The following DNAH11 variants were observed in gnomAD, a reference collection of about 807,000 sequenced individuals.
DNAH11 encodes the protein axonemal beta dynein heavy chain 11.
A neutral mutation model predicts 526.0 loss-of-function variants in DNAH11; 442 were observed. That is an observed-to-expected ratio of 0.84 (90% CI 0.78 to 0.91). The LOEUF (loss-of-function observed/expected upper bound fraction) is 0.91, where lower values mean the gene tolerates loss of function less well. Among genes scored for constraint, DNAH11 ranks in the 40% least tolerant of loss-of-function variants. DNAH11 has a pLI of 0.00. For synonymous variants in DNAH11, 2,461 were observed against 1,935.9 expected, an observed-to-expected ratio of 1.27 and a Z score of -7.12; for missense variants, 6,989 against 5,448.7, an observed-to-expected ratio of 1.28 and a Z score of -8.90.
intron 76 of DNAH11, 89 bp downstream of exon 76, chr7:21,884,499 A>G (rs540111075): frequency 1.2e-4 from 165 of 1,330,498 alleles, no homozygotes; most frequent in Middle Eastern, 9.6e-4. Context: ...ACTATGGGCA[A>G]TTCTTAATGT....
chr7:21,575,135 C>G (rs1784040298), intron 8 of DNAH11, among the ~76,000 whole-genome samples: 1 of 152,030 alleles, frequency 6.6e-6, no homozygotes, highest in South Asian at 2.1e-4. Context: ...CCTCGGCCTC[C>G]AAAAGTGCTG....
intron 44 of DNAH11, 121 bp downstream of exon 44, chr7:21,720,977 G>T (rs932895470): frequency 3.2e-6 from 4 of 1,268,480 alleles, no homozygotes; most frequent in East Asian, 2.9e-5. Flanking sequence ...TGCTTGCCCT[G>T]TTCTCTCCTA....
chr7:21,781,007 A>T (rs1287441383), intron 57 of DNAH11, among the ~76,000 whole-genome samples: 1 of 152,200 alleles, frequency 6.6e-6, no homozygotes, highest in Non-Finnish European at 1.5e-5. Context: ...TGTAAATTGG[A>T]TATTCATGGA....
chr7:21,885,783 C>T lies in DNAH11; in HGVS notation c.12507+1373C>T, dbSNP rs182391329. Among the ~76,000 whole-genome samples the T allele has an allele frequency of 1.8e-3, 280 of 152,302 alleles. 1 individual carries two copies. The highest frequency in any genetic ancestry group is 6.4e-3 in the African/African-American group (268 of 41,564). On this transcript the variant is annotated intron_variant, in intron 76 of 81. Coordinates refer to ENST00000409508, the MANE Select transcript of DNAH11 (RefSeq NM_001277115.2). ...GACAAGTATGGTGATTTGAGAACCT[C>T]ATTCTTCCTTCTCTCGTGAGGAAGA...
chr7:21,803,052 A>G (rs945886604), intron 62 of DNAH11, among the ~76,000 whole-genome samples: 1 of 151,968 alleles, frequency 6.6e-6, no homozygotes, highest in African/African-American at 2.4e-5. Flanking sequence ...TTTAAAGTAT[A>G]AAGTCTGTAA....
In DNAH11 at chr7:21,637,662, A is replaced by G. The variant is rs781652233; in HGVS notation, c.4777A>G (p.Arg1593Gly). The change falls in exon 27 of 82, where the codon AGA (arginine) becomes GGA (glycine). Residue 1593 changes from arginine (R) to glycine (G), a missense_variant. Coordinates refer to ENST00000409508, the MANE Select transcript of DNAH11 (RefSeq NM_001277115.2). Reference protein sequence around the residue: ...KVENVLEATCRPNLYEKLKDL... With the variant: ...KVENVLEATCGPNLYEKLKDL... ...AGAAAATGTGTTAGAAGCAACGTGC[A>G]GACCTAATCTCTATGAAAAACTTAA... 56 of 1,583,872 alleles carry G rather than the reference A, an allele frequency of 3.5e-5. No homozygotes were observed. Among genetic ancestry groups the G allele is most frequent in the Non-Finnish European group, 4.2e-5 (49 of 1,164,664 alleles).
intron 61 of DNAH11, among the ~76,000 whole-genome samples, chr7:21,790,246 A>G: frequency 6.6e-6 from 1 of 152,090 alleles, no homozygotes; most frequent in East Asian, 1.9e-4. Flanking sequence ...GGAGATCGAG[A>G]CCATCCTGGC....
At chr7:21,843,482 G>GT (rs569307380) in intron 66 of DNAH11, among the ~76,000 whole-genome samples, 12,433 of 130,780 alleles carry the variant, frequency 0.095, 780 homozygotes, top group East Asian at 0.24. Flanking sequence ...GGTTTTTTTT[G>GT]TTTTTTTTTT....
intron 74 of DNAH11, among the ~76,000 whole-genome samples, chr7:21,876,142 C>T (rs1021860869): frequency 3.9e-5 from 6 of 152,004 alleles, no homozygotes; most frequent in South Asian, 2.1e-4. Context: ...CCTCGGCATC[C>T]GAAGTGCTGG....
intron 74 of DNAH11, 139 bp downstream of exon 74, chr7:21,873,640 G>A: frequency 1.3e-6 from 1 of 782,988 alleles, no homozygotes; most frequent in Admixed American, 2.7e-5. Context: ...GGTAGGGGTG[G>A]GCGTGTTTTA....
intron 30 of DNAH11, among the ~76,000 whole-genome samples, chr7:21,670,990 TC>T: frequency 6.6e-6 from 1 of 152,270 alleles, no homozygotes; most frequent in East Asian, 1.9e-4. Context: ...TTCTATGATA[TC>T]TTTGCCAGAT....
At chr7:21,707,498 T>C (rs1189905610) in intron 39 of DNAH11, among the ~76,000 whole-genome samples, 1 of 152,264 alleles carries the variant, frequency 6.6e-6, no homozygotes, top group Admixed American at 6.5e-5. Flanking sequence ...ACTGATTCTG[T>C]CTTGCTGAGT....
intron 36 of DNAH11, among the ~76,000 whole-genome samples, chr7:21,702,408 G>A (rs777173504): frequency 2.6e-5 from 4 of 151,962 alleles, no homozygotes; most frequent in Non-Finnish European, 5.9e-5. Context: ...TACTGAGTTA[G>A]CAGGTCTGTT....
chr7:21,686,740 T>C (rs2128473815), intron 32 of DNAH11, among the ~76,000 whole-genome samples: 1 of 152,296 alleles, frequency 6.6e-6, no homozygotes, highest in East Asian at 1.9e-4. Flanking sequence ...TACTTTTCCT[T>C]TATAAACAAT....
At chr7:21,747,136 T>C (rs1786183713) in intron 51 of DNAH11, among the ~76,000 whole-genome samples, 1 of 152,224 alleles carries the variant, frequency 6.6e-6, no homozygotes, top group African/African-American at 2.4e-5. Context: ...CCTCAAAGCA[T>C]ACATTAAAAT....
chr7:21,564,588 C>G (rs1236280872), intron 6 of DNAH11, among the ~76,000 whole-genome samples, 191 bp downstream of exon 6: 1 of 152,118 alleles, frequency 6.6e-6, no homozygotes, highest in Non-Finnish European at 1.5e-5. Context: ...GAAAATAAGT[C>G]AGACATAATC....
chr7:21,613,399 T>C (rs1405687845), intron 20 of DNAH11, among the ~76,000 whole-genome samples: 1 of 152,220 alleles, frequency 6.6e-6, no homozygotes, highest in Non-Finnish European at 1.5e-5. Flanking sequence ...ATTAGTCATA[T>C]TTCTTAGGCT....
At chr7:21,546,716 C>A (rs1782818059) in intron 2 of DNAH11, among the ~76,000 whole-genome samples, 1 of 152,040 alleles carries the variant, frequency 6.6e-6, no homozygotes, top group African/African-American at 2.4e-5. Flanking sequence ...TCACGTTGGC[C>A]CACATTTCAA....
intron 20 of DNAH11, 34 bp from the exon 21 acceptor site, chr7:21,615,080 A>C: frequency 6.4e-7 from 1 of 1,562,366 alleles, no homozygotes; most frequent in Non-Finnish European, 8.6e-7. Flanking sequence ...TTTCTCTGGC[A>C]GTTTGTATGC....
Sources: allele counts gnomAD v4.1 joint callset (sites outside exome capture counted in the v4.1 genomes callset), GRCh38; gene constraint gnomAD v4.1.1; transcripts MANE v1.5; gene names NCBI Gene and HGNC (gene_info 2026-07-23, HGNC 2026-07-21).